Variants in CYRIB observed in about 807,000 individuals in gnomAD.
CYRIB encodes CYFIP-related Rac1 interactor B.
Under a neutral mutation model 44.2 loss-of-function variants are expected in CYRIB, and 8 were observed. That is an observed-to-expected ratio of 0.18 (90% CI 0.11 to 0.33). The LOEUF is 0.33. CYRIB is among the 10% of genes least tolerant of loss of function. CYRIB has a pLI of 1.00. For synonymous variants in CYRIB, 131 were observed against 127.2 expected (o/e 1.03, Z -0.20); for missense variants, 185 against 382.8 (o/e 0.48, Z 4.31).
At chr8:130,013,017 A>T (rs2097261059) in intron 1 of CYRIB, among the ~76,000 whole-genome samples, 1 of 152,000 alleles carries the variant, frequency 6.6e-6, no homozygotes, top group South Asian at 2.1e-4. Flanking sequence ...TCAATCCTTC[A>T]CTCCTCCCAC....
At chr8:129,979,454 T>A (rs1329706507) in intron 1 of CYRIB, among the ~76,000 whole-genome samples, 1 of 152,154 alleles carries the variant, frequency 6.6e-6, no homozygotes, top group Non-Finnish European at 1.5e-5. Flanking sequence ...GACTATAACC[T>A]TTTAGGTTGA....
chr8:129,881,807 T>C (rs532733992), intron 2 of CYRIB, among the ~76,000 whole-genome samples: 25 of 152,358 alleles, frequency 1.6e-4, no homozygotes, highest in African/African-American at 5.8e-4. Context: ...GACATTAAGC[T>C]AAGAGGGAAA....
intron 2 of CYRIB, among the ~76,000 whole-genome samples, chr8:129,950,060 A>T (rs575782720): frequency 6.6e-6 from 1 of 152,336 alleles, no homozygotes; most frequent in East Asian, 1.9e-4. Context: ...GGTAAAACTT[A>T]AATGTTTGGT....
chr8:129,922,017 C>T (rs2083908759), intron 1 of CYRIB, among the ~76,000 whole-genome samples: 3 of 152,140 alleles, frequency 2.0e-5, no homozygotes. Context: ...GACTTTGTAT[C>T]CAAAGACCAA....
intron 6 of CYRIB, among the ~76,000 whole-genome samples, chr8:129,854,643 T>A (rs1356069807): frequency 1.2e-4 from 18 of 152,210 alleles, no homozygotes; most frequent in Admixed American, 1.2e-3. Flanking sequence ...AGGCACTTGT[T>A]TTTAGTTATT....
rs1219884566 is a variant in CYRIB at position 129,989,608 on chromosome 8, G to T, written c.-295-18613C>A. On this transcript the variant is annotated intron_variant, in intron 1 of 14. Transcript: ENST00000401979. ...GTCACTCCCACCCCAGCCTCAGGACGTGTTCAGGACCTCGCAAGCCTGATG... is the reference window on the plus strand; with the variant it reads ...GTCACTCCCACCCCAGCCTCAGGACTTGTTCAGGACCTCGCAAGCCTGATG... Among the ~76,000 whole-genome samples the T allele has an allele frequency of 3.3e-5, 5 of 151,438 alleles. No individual in the cohort carries two copies. In the East Asian group the frequency reaches 9.7e-4, roughly 29 times the overall value.
chr8:129,879,504 T>C, intron 2 of CYRIB, 33 bp from the exon 5 acceptor site: 2 of 1,432,118 alleles, frequency 1.4e-6, no homozygotes, highest in Non-Finnish European at 1.9e-6. Context: ...AGAGAAAATA[T>C]CCCTTTATAA....
chr8:129,956,634 C>G (rs2094852017), intron 2 of CYRIB, among the ~76,000 whole-genome samples: 1 of 152,046 alleles, frequency 6.6e-6, no homozygotes, highest in Admixed American at 6.6e-5. Flanking sequence ...CTGGGTTATG[C>G]TGTGGTAACA....
chr8:129,858,679 A>G (rs561995680), intron 5 of CYRIB, among the ~76,000 whole-genome samples: 20 of 151,622 alleles, frequency 1.3e-4, no homozygotes, highest in Middle Eastern at 3.4e-3. Flanking sequence ...ATACATTTTG[A>G]TAAATTCTGC....
At chr8:129,886,088 C>T (rs776253155) in intron 2 of CYRIB, among the ~76,000 whole-genome samples, 1 of 152,180 alleles carries the variant, frequency 6.6e-6, no homozygotes, top group Non-Finnish European at 1.5e-5. Context: ...CCCTCTACTA[C>T]AACATCATCT....
At chr8:129,866,870 C>T (rs1284912057) in intron 4 of CYRIB, among the ~76,000 whole-genome samples, 3 of 152,228 alleles carry the variant, frequency 2.0e-5, no homozygotes, top group Non-Finnish European at 2.9e-5. Flanking sequence ...TCCTTGTCCT[C>T]TCACAATAAT....
intron 2 of CYRIB, chr8:129,902,914 AT>A (rs1445085582): frequency 3.3e-5 from 5 of 152,540 alleles, no homozygotes; most frequent in African/African-American, 1.2e-4. Context: ...AACAGATAGA[AT>A]TCTTAAGATT....
intron 2 of CYRIB, among the ~76,000 whole-genome samples, chr8:129,956,632 T>C (rs1009026548): frequency 8.5e-5 from 13 of 152,110 alleles, no homozygotes; most frequent in African/African-American, 3.1e-4. Flanking sequence ...AGCTGGGTTA[T>C]GCTGTGGTAA....
chr8:129,923,187 G>C (rs2084908579), intron 1 of CYRIB, among the ~76,000 whole-genome samples: 1 of 150,258 alleles, frequency 6.7e-6, no homozygotes, highest in African/African-American at 2.4e-5. Flanking sequence ...AGGTTGTGGT[G>C]AGCCGATATC....
intron 3 of CYRIB, among the ~76,000 whole-genome samples, chr8:129,876,358 T>C (rs1237060748): frequency 6.6e-6 from 1 of 152,102 alleles, no homozygotes; most frequent in Non-Finnish European, 1.5e-5. Context: ...CGACAGAGAC[T>C]GACCCTGTCT....
intron 2 of CYRIB, among the ~76,000 whole-genome samples, chr8:129,900,700 G>A (rs1382018092): frequency 6.6e-6 from 1 of 152,032 alleles, no homozygotes; most frequent in East Asian, 1.9e-4. Context: ...TTTTTTTTGA[G>A]ACAATGTCCT....
At chr8:129,982,004 A>C (rs1277041105) in intron 1 of CYRIB, among the ~76,000 whole-genome samples, 3 of 152,228 alleles carry the variant, frequency 2.0e-5, no homozygotes, top group Non-Finnish European at 4.4e-5. Flanking sequence ...CCTGGTACTG[A>C]GTGCAGTAAT....
At chr8:129,949,986 A>C (rs1488951170) in intron 2 of CYRIB, among the ~76,000 whole-genome samples, 2 of 152,256 alleles carry the variant, frequency 1.3e-5, no homozygotes, top group African/African-American at 4.8e-5. Flanking sequence ...GAAATTGCCA[A>C]TTCCAACTGT....
At chr8:129,876,316 G>A (rs763314910) in intron 3 of CYRIB, among the ~76,000 whole-genome samples, 16 of 152,134 alleles carry the variant, frequency 1.1e-4, no homozygotes, top group Non-Finnish European at 1.8e-4. Flanking sequence ...GCTGCAGTGA[G>A]CTGAGATCAT....
Sources: gnomAD v4.1 joint callset for allele counts (sites outside exome capture counted in the v4.1 genomes callset) on GRCh38, gnomAD v4.1.1 for gene constraint, MANE v1.5 for transcripts, NCBI Gene and HGNC (gene_info 2026-07-23, HGNC 2026-07-21) for gene names.